HBP1: variants seen among roughly 807,000 people sequenced by gnomAD.
The protein encoded by HBP1 is HMG-box transcription factor 1.
A neutral mutation model predicts 62.6 loss-of-function variants in HBP1; 20 were observed. That is an observed-to-expected ratio of 0.32 (90% CI 0.22 to 0.46). The LOEUF (loss-of-function observed/expected upper bound fraction) is 0.46, where lower values mean the gene tolerates loss of function less well. HBP1 is among the 20% of genes least tolerant of loss of function. HBP1 has a pLI of 1.00. For missense variants in HBP1, 480 were observed against 611.8 expected, an observed-to-expected ratio of 0.78 and a Z score of 2.27; for synonymous variants, 232 against 206.2, an observed-to-expected ratio of 1.12 and a Z score of -1.07.
chr7:107,171,073 A>ATATTTTTTTTTT lies in HBP1; in HGVS notation c.-16+1889_-16+1890insATTTTTTTTTTT. On this transcript the variant is annotated intron_variant, in intron 1 of 10. Coordinates refer to ENST00000222574, the MANE Select transcript of HBP1 (RefSeq NM_012257.4). ...TATATATATATATATATATATATATATTTTTTTTTTTTTTTGAGAGGGAGT... is the reference window on the plus strand; with the variant it reads ...TATATATATATATATATATATATATATATTTTTTTTTTTTTTTTTTTTTTTTTGAGAGGGAGT... Among the ~76,000 whole-genome samples, 174 of 87,200 alleles carry ATATTTTTTTTTT rather than the reference A, an allele frequency of 2.0e-3. 14 individuals are homozygous for ATATTTTTTTTTT. Among genetic ancestry groups the ATATTTTTTTTTT allele is most frequent in the African/African-American group, 6.7e-3 (102 of 15,124 alleles). The allele number at this position is 87,200 out of a possible 152,430, so 57.2% of individuals were successfully genotyped here. A position where few individuals can be genotyped will look rare whatever the true frequency, so the allele number is the denominator to read the frequency against.
chr7:107,200,557 G>T (rs1447915938), intron 10 of HBP1: 1 of 305,902 alleles, frequency 3.3e-6, no homozygotes, highest in Admixed American at 5.0e-5. Flanking sequence ...CATTGAGTTG[G>T]AAAAATAATT....
rs1797325442 is a variant in HBP1, at chr7:107,185,843, T to C, written c.441T>C (p.His147=). The change falls in exon 4 of 11, where the codon CAT becomes CAC. Residue 147 remains histidine (H), a synonymous_variant. Coordinates refer to ENST00000222574, the MANE Select transcript of HBP1 (RefSeq NM_012257.4). ...VHIIATSKSL[H]SYARPPPVSS... ...TCATAGCCACTAGCAAAAGTTTACATTCCTATGCACGCCCTCCACCAGTGT... is the reference window on the plus strand; with the variant it reads ...TCATAGCCACTAGCAAAAGTTTACACTCCTATGCACGCCCTCCACCAGTGT... The C allele has an allele frequency of 6.2e-7, 1 of 1,613,334 alleles. No homozygotes were observed. Among genetic ancestry groups the C allele is most frequent in the East Asian group, 2.2e-5 (1 of 44,864 alleles).
At chr7:107,195,669 G>A (rs1467431494) in intron 8 of HBP1, among the ~76,000 whole-genome samples, 165 bp from the exon 9 acceptor site, 1 of 151,244 alleles carries the variant, frequency 6.6e-6, no homozygotes, top group South Asian at 2.1e-4. Flanking sequence ...CATTTTATAA[G>A]CAACTATCAG....
intron 4 of HBP1, among the ~76,000 whole-genome samples, 190 bp from the exon 5 acceptor site, chr7:107,186,171 T>C (rs1208183833): frequency 4.7e-5 from 7 of 149,718 alleles, no homozygotes; most frequent in Non-Finnish European, 7.4e-5. Context: ...TTTTTCTTTT[T>C]TTTTTTTTTT....
chr7:107,192,099 GTT>G (rs1435211142), intron 8 of HBP1, among the ~76,000 whole-genome samples: 2 of 152,158 alleles, frequency 1.3e-5, no homozygotes, highest in East Asian at 3.9e-4. Flanking sequence ...AGGGAAGCTT[GTT>G]AGGCGCACTT....
chr7:107,171,453 T>C (rs1796592134), intron 1 of HBP1, among the ~76,000 whole-genome samples: 1 of 152,098 alleles, frequency 6.6e-6, no homozygotes, highest in Non-Finnish European at 1.5e-5. Flanking sequence ...GGCATGGACT[T>C]ATGAAACTGC....
At chr7:107,192,697 A>G (rs538157550) in intron 8 of HBP1, 10 of 152,306 alleles carry the variant, frequency 6.6e-5, no homozygotes, top group African/African-American at 1.9e-4. Context: ...TGAGATAGCA[A>G]ATTCTTACCA....
At chr7:107,170,937 T>C (rs1796527432) in intron 1 of HBP1, among the ~76,000 whole-genome samples, 1 of 145,988 alleles carries the variant, frequency 6.8e-6, no homozygotes, top group African/African-American at 2.5e-5. Flanking sequence ...ATGTATAAAA[T>C]ATATAACATA....
intron 1 of HBP1, among the ~76,000 whole-genome samples, chr7:107,175,937 C>G (rs1294212925): frequency 6.6e-6 from 1 of 151,850 alleles, no homozygotes; most frequent in African/African-American, 2.4e-5. Context: ...AGGATGGTCT[C>G]TATCCCCAGA....
intron 1 of HBP1, among the ~76,000 whole-genome samples, chr7:107,175,269 G>A (rs966414669): frequency 3.3e-5 from 5 of 151,986 alleles, no homozygotes; most frequent in African/African-American, 4.8e-5. Flanking sequence ...ACTAGCCACT[G>A]TACATTGAAG....
At position 107,171,069 on chromosome 7, in the gene HBP1, A is replaced by ATTTTTTTTTTTTTTT. The variant is rs1292839546; in HGVS notation, c.-16+1885_-16+1886insTTTTTTTTTTTTTTT. On this transcript the variant is annotated intron_variant, in intron 1 of 10. Coordinates refer to ENST00000222574, the MANE Select transcript of HBP1 (RefSeq NM_012257.4). ...TAAATATATATATATATATATATAT[A>ATTTTTTTTTTTTTTT]TATATTTTTTTTTTTTTTTGAGAGG... Among the ~76,000 whole-genome samples, 10 of 72,376 alleles carry ATTTTTTTTTTTTTTT rather than the reference A, an allele frequency of 1.4e-4. 1 individual carries two copies. Among genetic ancestry groups the ATTTTTTTTTTTTTTT allele is most frequent in the African/African-American group, 8.5e-4 (8 of 9,396 alleles). 47.5% of individuals were successfully genotyped at this position (72,376 alleles called of 152,430 possible). A position where few individuals can be genotyped will look rare whatever the true frequency, so the allele number is the denominator to read the frequency against.
In HBP1 at chr7:107,180,049, A is replaced by G; in HGVS notation, c.156A>G (p.Glu52=). The G allele has an allele frequency of 6.4e-7, 1 of 1,573,024 alleles. No homozygotes were observed. Among genetic ancestry groups the G allele is most frequent in the Non-Finnish European group, 8.7e-7 (1 of 1,147,798 alleles). ...PSSPGYNSCD[E]HMELDDLPEL... ...CACCTGGATATAACTCCTGTGATGA[A>G]CACATGGAGCTTGGTAAGCAAAATT... is the stretch of plus-strand genomic sequence containing the variant. Residue 52 remains glutamate, a synonymous_variant, in exon 2 of 11, where the codon GAA becomes GAG. Coordinates refer to ENST00000222574, the MANE Select transcript of HBP1 (RefSeq NM_012257.4).
intron 4 of HBP1, 35 bp from the exon 5 acceptor site, chr7:107,186,326 A>C (rs751894832): frequency 3.1e-5 from 39 of 1,260,254 alleles, no homozygotes; most frequent in Non-Finnish European, 4.4e-5. Context: ...TATTTTAAAA[A>C]CAAATAAAAA....
Position 107,187,349 on chromosome 7 carries a change from G to A in HBP1, c.765+668G>A, listed in dbSNP as rs75395023. On this transcript the variant is annotated intron_variant, in intron 6 of 10. Transcript: ENST00000222574. ...GTGATTAATTCCCCTGTAGATTATT[G>A]AAAGCCAATTATATTAAGTTACTTT... 6.6e-3 allele frequency among the ~76,000 whole-genome samples: 1,004 copies of A among 152,206 alleles called. 16 individuals carry two copies. The highest frequency in any genetic ancestry group is 0.023 in the African/African-American group (957 of 41,514).
intron 6 of HBP1, 87 bp downstream of exon 6, chr7:107,186,768 A>C: frequency 1.3e-6 from 1 of 757,668 alleles, no homozygotes; most frequent in East Asian, 2.6e-5. Context: ...TCCTCCATTC[A>C]CTTTGATATT....
intron 6 of HBP1, among the ~76,000 whole-genome samples, chr7:107,187,550 G>A (rs1414987873): frequency 5.3e-5 from 8 of 152,112 alleles, no homozygotes; most frequent in Non-Finnish European, 1.2e-4. Flanking sequence ...ACAAATTCTT[G>A]TTTTGATCCT....
chr7:107,195,750 CTT>C (rs75208949), intron 8 of HBP1, 82 bp from the exon 9 acceptor site: 7,703 of 510,064 alleles, frequency 0.015, no homozygotes, highest in South Asian at 0.019. Context: ...CAGATGTTTT[CTT>C]TTTTTTTTTT....
intron 9 of HBP1, among the ~76,000 whole-genome samples, chr7:107,198,315 T>C (rs934016141): frequency 2.6e-5 from 4 of 152,098 alleles, no homozygotes; most frequent in African/African-American, 7.2e-5. Flanking sequence ...GTTGAAGTGA[T>C]TCTCCTGCCT....
chr7:107,187,208 G>T (rs1280698290), intron 6 of HBP1, among the ~76,000 whole-genome samples: 1 of 152,086 alleles, frequency 6.6e-6, no homozygotes, highest in Non-Finnish European at 1.5e-5. Context: ...AGCCAAGATT[G>T]CGCCACTGCA....
Sources: gnomAD v4.1 joint callset for allele counts (sites outside exome capture counted in the v4.1 genomes callset) on GRCh38, gnomAD v4.1.1 for gene constraint, MANE v1.5 for transcripts, NCBI Gene and HGNC (gene_info 2026-07-23, HGNC 2026-07-21) for gene names.